The following SYN3 variants were observed in gnomAD, a reference collection of about 807,000 sequenced individuals.
SYN3 encodes the protein synapsin III.
Under a neutral mutation model 65.8 loss-of-function variants are expected in SYN3, and 35 were observed. That is an observed-to-expected ratio of 0.53 (90% CI 0.41 to 0.70). The LOEUF (loss-of-function observed/expected upper bound fraction) is 0.70. Ranked by LOEUF, SYN3 falls within the 30% of genes least tolerant of loss-of-function variation. The probability of loss-of-function intolerance (pLI) is 0.00; values close to 1 mark genes in which losing one functional copy is unlikely to be tolerated. For synonymous variants in SYN3, 270 were observed against 292.9 expected, an observed-to-expected ratio of 0.92 and a Z score of 0.80; for missense variants, 680 against 749.0, an observed-to-expected ratio of 0.91 and a Z score of 1.08.
chr22:32,513,752 CTCG>C lies in SYN3; in HGVS notation c.1680_1682del (p.Asp560del). The C allele has an allele frequency of 6.2e-7, 1 of 1,614,170 alleles. No individual in the cohort carries two copies. The highest frequency in any genetic ancestry group is 2.2e-5 in the East Asian group (1 of 44,874). ...GGTTGCGGATGGTTTCAGCCTTGGCCTCGTCTTCACTTGGGGTCCCACGCTGGG... is the reference window on the plus strand; with the variant it reads ...GGTTGCGGATGGTTTCAGCCTTGGCCTCTTCACTTGGGGTCCCACGCTGGG... On this transcript the variant is annotated inframe_deletion, in exon 14 of 14. Coordinates refer to ENST00000358763, the MANE Select transcript of SYN3 (RefSeq NM_003490.4).
chr22:32,643,562 G>A (rs1272917215), intron 6 of SYN3, among the ~76,000 whole-genome samples: 6 of 122,032 alleles, frequency 4.9e-5, no homozygotes, highest in African/African-American at 1.6e-4. Flanking sequence ...GGGGGCGGGG[G>A]GGGCAGAACA....
At chr22:32,957,329 C>T (rs1167093596) in intron 3 of SYN3, among the ~76,000 whole-genome samples, 2 of 152,182 alleles carry the variant, frequency 1.3e-5, no homozygotes, top group Admixed American at 6.5e-5. Context: ...GAAGCAGACT[C>T]GTGCTCTCTG....
intron 6 of SYN3, among the ~76,000 whole-genome samples, chr22:32,661,516 T>C (rs937434977): frequency 2.1e-4 from 32 of 152,328 alleles, no homozygotes; most frequent in South Asian, 1.0e-3. Context: ...ACTTTCTTTT[T>C]TTTCTTTCTT....
At chr22:32,683,973 T>A (rs868017770) in intron 6 of SYN3, among the ~76,000 whole-genome samples, 1 of 152,226 alleles carries the variant, frequency 6.6e-6, no homozygotes, top group African/African-American at 2.4e-5. Context: ...CTCTTCAGAT[T>A]GTTGTTTTGC....
chr22:32,837,285 G>A lies in SYN3; in HGVS notation c.711+27630C>T, dbSNP rs771807445. Among the ~76,000 whole-genome samples the A allele has an allele frequency of 2.2e-4, 34 of 152,208 alleles. No homozygotes were observed. The highest frequency in any genetic ancestry group is 3.8e-4 in the Non-Finnish European group (26 of 68,050). On this transcript the variant is annotated intron_variant, in intron 6 of 13. Coordinates refer to ENST00000358763, the MANE Select transcript of SYN3 (RefSeq NM_003490.4). This position sits in a 1 kb window ranked among gnomAD's most constrained non-coding sequence, Gnocchi z 4.1. ...ACTTGTGTGGGATAAAGTTTCCCAT[G>A]GGCCCCCGTGGAGAGGCTGGAGCAC... is the stretch of plus-strand genomic sequence containing the variant.
intron 2 of SYN3, among the ~76,000 whole-genome samples, chr22:32,993,359 G>GTT (rs2052779722): frequency 6.6e-6 from 1 of 152,094 alleles, no homozygotes; most frequent in South Asian, 2.1e-4. Context: ...TTGTTTGTTT[G>GTT]TTTTGTTTTG....
At chr22:32,985,022 T>C (rs2145677842) in intron 2 of SYN3, among the ~76,000 whole-genome samples, 1 of 152,266 alleles carries the variant, frequency 6.6e-6, no homozygotes, top group South Asian at 2.1e-4. Context: ...GGCAGTAAAG[T>C]GCAATGGCTT....
chr22:32,523,141 G>C (rs773792957), intron 12 of SYN3, among the ~76,000 whole-genome samples: 3 of 152,106 alleles, frequency 2.0e-5, no homozygotes, highest in Non-Finnish European at 4.4e-5. Flanking sequence ...ATCTGTTATG[G>C]TGATCCGTAA....
chr22:32,906,760 T>A (rs2049913596), intron 4 of SYN3, among the ~76,000 whole-genome samples: 1 of 152,156 alleles, frequency 6.6e-6, no homozygotes, highest in African/African-American at 2.4e-5. Context: ...ATGAGGTGTT[T>A]GGTTTTCTCT....
At chr22:32,558,259 G>A (rs1381475906) in intron 7 of SYN3, among the ~76,000 whole-genome samples, 2 of 152,210 alleles carry the variant, frequency 1.3e-5, no homozygotes, top group African/African-American at 4.8e-5. Flanking sequence ...CAATGTTACT[G>A]AAGCTCAGAA....
At chr22:32,840,104 T>G (rs1301243522) in intron 6 of SYN3, among the ~76,000 whole-genome samples, 1 of 152,028 alleles carries the variant, frequency 6.6e-6, no homozygotes, top group African/African-American at 2.4e-5. Context: ...GCAGGGAGGT[T>G]TTCATATCCT....
At chr22:32,984,958 G>A (rs574053283) in intron 2 of SYN3, among the ~76,000 whole-genome samples, 20 of 152,290 alleles carry the variant, frequency 1.3e-4, no homozygotes, top group South Asian at 1.2e-3. Flanking sequence ...AGTGGTGACA[G>A]TAACTACCAG....
At chr22:32,657,405 G>A (rs918189935) in intron 6 of SYN3, among the ~76,000 whole-genome samples, 1 of 151,130 alleles carries the variant, frequency 6.6e-6, no homozygotes, top group East Asian at 2.0e-4. Context: ...TTATAGGCGT[G>A]AGCCACCGCG....
intron 7 of SYN3, among the ~76,000 whole-genome samples, chr22:32,571,173 A>G (rs1313815571): frequency 6.6e-6 from 1 of 152,102 alleles, no homozygotes; most frequent in East Asian, 1.9e-4. Flanking sequence ...GCTCTCCTAG[A>G]GTTTTAAGTC....
intron 6 of SYN3, among the ~76,000 whole-genome samples, chr22:32,799,965 G>C (rs1040588861): frequency 2.0e-5 from 3 of 152,200 alleles, no homozygotes; most frequent in African/African-American, 7.2e-5. Flanking sequence ...TACGAGTTAG[G>C]CCACAGTTAG....
intron 7 of SYN3, among the ~76,000 whole-genome samples, chr22:32,580,751 T>C (rs530624000): frequency 3.3e-5 from 5 of 152,336 alleles, no homozygotes; most frequent in African/African-American, 7.2e-5. Context: ...GTGGTTGCTT[T>C]CCCACTACAA....
intron 6 of SYN3, among the ~76,000 whole-genome samples, chr22:32,854,229 G>A (rs920777912): frequency 6.6e-6 from 1 of 152,134 alleles, no homozygotes; most frequent in Non-Finnish European, 1.5e-5. Flanking sequence ...AAAACACAGC[G>A]CTATGTTTGT....
chr22:32,828,284 G>A (rs1452829750), intron 6 of SYN3, among the ~76,000 whole-genome samples: 1 of 152,204 alleles, frequency 6.6e-6, no homozygotes, highest in African/African-American at 2.4e-5. Context: ...GGAAACTCAA[G>A]AGGGCAAGTT....
At chr22:33,005,924 T>C (rs1217959524) in intron 2 of SYN3, among the ~76,000 whole-genome samples, 2 of 152,212 alleles carry the variant, frequency 1.3e-5, no homozygotes, top group Non-Finnish European at 2.9e-5. Flanking sequence ...TATACCATAT[T>C]TTATATAACA....
Sources: allele counts gnomAD v4.1 joint callset (sites outside exome capture counted in the v4.1 genomes callset), GRCh38; gene constraint gnomAD v4.1.1; non-coding constraint Gnocchi (gnomAD v3.1); transcripts MANE v1.5; gene names NCBI Gene and HGNC (gene_info 2026-07-23, HGNC 2026-07-21).